The following SLC30A7 variants were observed in gnomAD, a reference collection of about 807,000 sequenced individuals.
The protein encoded by SLC30A7 is solute carrier family 30 member 7.
Under a neutral mutation model 46.0 loss-of-function variants are expected in SLC30A7, and 35 were observed. That is an observed-to-expected ratio of 0.76 (90% CI 0.58 to 1.01). The LOEUF (loss-of-function observed/expected upper bound fraction) is 1.01. Among genes scored for constraint, SLC30A7 ranks in the 50% least tolerant of loss-of-function variants. The probability of loss-of-function intolerance (pLI) is 0.00; values close to 1 mark genes in which losing one functional copy is unlikely to be tolerated. For missense variants in SLC30A7, 464 were observed against 451.1 expected (o/e 1.03, Z -0.26); for synonymous variants, 147 against 157.8 (o/e 0.93, Z 0.51).
chr1:100,961,616 A>G (rs1189148802), intron 8 of SLC30A7, among the ~76,000 whole-genome samples: 1 of 152,218 alleles, frequency 6.6e-6, no homozygotes, highest in African/African-American at 2.4e-5. Flanking sequence ...TCTTTCATAC[A>G]TTAATACATT....
intron 3 of SLC30A7, among the ~76,000 whole-genome samples, chr1:100,907,527 G>C (rs1407249849): frequency 6.6e-6 from 1 of 152,064 alleles, no homozygotes; most frequent in East Asian, 1.9e-4. Context: ...TTCATTATTT[G>C]ATTACACTGC....
At chr1:100,925,196 G>C (rs1380317086) in intron 8 of SLC30A7, among the ~76,000 whole-genome samples, 1 of 152,236 alleles carries the variant, frequency 6.6e-6, no homozygotes, top group Non-Finnish European at 1.5e-5. Context: ...CTAGGTATCA[G>C]TTGGTAGAAA....
At chr1:100,972,696 A>G (rs1656226815) in intron 10 of SLC30A7, 1 of 152,148 alleles carries the variant, frequency 6.6e-6, no homozygotes, top group African/African-American at 2.4e-5. Flanking sequence ...AAGAATTTTT[A>G]AAGAGTTCCT....
the SLC30A7 span, chr1:100,995,158 A>C: frequency 1.3e-6 from 2 of 1,550,410 alleles, no homozygotes; most frequent in Non-Finnish European, 8.9e-7. Context: ...GTCTGTAGGA[A>C]GTAAAAATAG....
intron 3 of SLC30A7, among the ~76,000 whole-genome samples, chr1:100,907,663 C>T (rs1324874708): frequency 6.6e-6 from 1 of 152,008 alleles, no homozygotes; most frequent in Non-Finnish European, 1.5e-5. Context: ...CCTATTCCCT[C>T]TCTCTTCTGC....
Position 100,896,252 on chromosome 1 carries a change from G to A in SLC30A7, c.-11G>A, listed in dbSNP as rs199513218. 7.5e-4 allele frequency: 1,207 copies of A among 1,613,980 alleles called. 1 individual carries two copies. Among genetic ancestry groups the A allele is most frequent in the Non-Finnish European group, 9.8e-4 (1,155 of 1,179,942 alleles). On this transcript the variant is annotated 5_prime_UTR_variant, in exon 1 of 11. Coordinates refer to ENST00000357650, the MANE Select transcript of SLC30A7 (RefSeq NM_133496.5). ...AGGGGAGTAGACCCGGCCCTTCGCC[G>A]GGCAGAGAAGATGTTGCCCCTGTCC...
intron 8 of SLC30A7, among the ~76,000 whole-genome samples, chr1:100,955,963 G>A (rs1036816976): frequency 1.3e-5 from 2 of 152,014 alleles, no homozygotes; most frequent in African/African-American, 2.4e-5. Flanking sequence ...AAGTTAGTGT[G>A]ACATATCCAT....
At chr1:100,937,971 A>G (rs1654076759) in intron 8 of SLC30A7, among the ~76,000 whole-genome samples, 1 of 152,190 alleles carries the variant, frequency 6.6e-6, no homozygotes, top group African/African-American at 2.4e-5. Flanking sequence ...CAGTTTTCCC[A>G]TCACCAGTTA....
chr1:100,925,064 A>G (rs1433460012), intron 8 of SLC30A7, among the ~76,000 whole-genome samples: 1 of 152,266 alleles, frequency 6.6e-6, no homozygotes, highest in Non-Finnish European at 1.5e-5. Context: ...AGATAGGATT[A>G]TATGATAGTG....
downstream of SLC30A7, among the ~76,000 whole-genome samples, chr1:100,982,934 C>T (rs1031993165): frequency 2.0e-5 from 3 of 152,200 alleles, no homozygotes; most frequent in Non-Finnish European, 1.5e-5. Context: ...GCAGCCTCTT[C>T]TGTTTACACA....
chr1:100,990,266 C>A, the SLC30A7 span: 1 of 714,310 alleles, frequency 1.4e-6, no homozygotes, highest in South Asian at 1.8e-5. Context: ...AGGGAAACTG[C>A]CCCCATGATT....
At chr1:100,920,004 C>G (rs958438444) in intron 7 of SLC30A7, among the ~76,000 whole-genome samples, 12 of 151,900 alleles carry the variant, frequency 7.9e-5, no homozygotes, top group Admixed American at 3.3e-4. Context: ...ATGTTTCTTT[C>G]TTAGTGATTT....
At chr1:100,944,190 A>G (rs1299028092) in intron 8 of SLC30A7, among the ~76,000 whole-genome samples, 1 of 152,180 alleles carries the variant, frequency 6.6e-6, no homozygotes, top group Non-Finnish European at 1.5e-5. Context: ...CTAGGACTAC[A>G]GGTGCACACC....
chr1:100,952,219 A>G (rs1463875749), intron 8 of SLC30A7, among the ~76,000 whole-genome samples: 2 of 152,216 alleles, frequency 1.3e-5, no homozygotes, highest in African/African-American at 4.8e-5. Context: ...ACATACACAC[A>G]CGCACAAATT....
In SLC30A7 at chr1:100,975,834, T is replaced by G. The variant is rs1206711932; in HGVS notation, c.*977T>G. On this transcript the variant is annotated 3_prime_UTR_variant, in exon 11 of 11. Transcript: ENST00000357650. ...AGCCACCACGCCCGGCTATGTTTTT[T>G]TTTTTTTTTTTTTTTTTTTTTAACA... 1 of 142,176 alleles carries G rather than the reference T, an allele frequency of 7.0e-6. No homozygotes were observed. The highest frequency in any genetic ancestry group is 1.5e-5 in the Non-Finnish European group (1 of 65,542). The allele number at this position is 142,176 out of a possible 1,614,324, so 8.8% of individuals were successfully genotyped here.
chr1:100,911,436 A>G (rs78090331), intron 4 of SLC30A7, among the ~76,000 whole-genome samples: 7,994 of 152,272 alleles, frequency 0.052, 690 homozygotes, highest in African/African-American at 0.18. Flanking sequence ...CAGTAGGGAA[A>G]TATTTCTAAA....
chr1:100,943,524 A>G (rs952328329), intron 8 of SLC30A7, among the ~76,000 whole-genome samples: 2 of 152,194 alleles, frequency 1.3e-5, no homozygotes, highest in Admixed American at 6.5e-5. Flanking sequence ...ATTGGTGATC[A>G]ACTTAACCTT....
intron 2 of SLC30A7, among the ~76,000 whole-genome samples, chr1:100,899,835 A>G (rs1191903321): frequency 6.7e-6 from 1 of 149,168 alleles, no homozygotes; most frequent in African/African-American, 2.5e-5. Context: ...TTTTTTTTTA[A>G]GATTTACCTG....
intron 8 of SLC30A7, among the ~76,000 whole-genome samples, chr1:100,932,106 G>A (rs1041039357): frequency 2.6e-5 from 4 of 151,970 alleles, no homozygotes; most frequent in Non-Finnish European, 4.4e-5. Context: ...GTTTTAGAAC[G>A]GTTAGTCCCA....
Sources: gnomAD v4.1 joint callset for allele counts (sites outside exome capture counted in the v4.1 genomes callset) on GRCh38, gnomAD v4.1.1 for gene constraint, MANE v1.5 for transcripts, NCBI Gene and HGNC (gene_info 2026-07-23, HGNC 2026-07-21) for gene names.